Variants in AKAP6 observed in about 807,000 individuals in gnomAD.
AKAP6 encodes A-kinase anchoring protein 6.
AKAP6 carries 58 observed loss-of-function variants against 188.5 expected under a neutral mutation model. The ratio of observed to expected loss-of-function variants is 0.31; its 90% CI spans 0.25 to 0.38. The LOEUF (loss-of-function observed/expected upper bound fraction) is 0.38. Among genes scored for constraint, AKAP6 ranks in the 10% least tolerant of loss-of-function variants. The pLI is 1.00. For missense variants in AKAP6, 2,710 were observed against 2,740.0 expected, an observed-to-expected ratio of 0.99 and a Z score of 0.24; for synonymous variants, 989 against 998.6, an observed-to-expected ratio of 0.99 and a Z score of 0.18.
chr14:32,705,257 T>C (rs561736681), intron 9 of AKAP6, among the ~76,000 whole-genome samples: 1 of 152,270 alleles, frequency 6.6e-6, no homozygotes, highest in Admixed American at 6.5e-5. Flanking sequence ...TGCACTCTAC[T>C]GAATGCAGAT....
chr14:32,524,338 T>TG (rs1416569588), intron 2 of AKAP6, among the ~76,000 whole-genome samples: 2 of 151,958 alleles, frequency 1.3e-5, no homozygotes, highest in Non-Finnish European at 2.9e-5. Flanking sequence ...AGTTCTGGGG[T>TG]GGGGATGGCT....
At position 32,823,736 on chromosome 14, in the gene AKAP6, A is replaced by G; in HGVS notation, c.5923A>G (p.Thr1975Ala). Residue 1975 changes from threonine to alanine, a missense_variant, in exon 13 of 14, where the codon ACT (threonine) becomes GCT (alanine). By Grantham distance (58) the Thr-to-Ala change is moderately conservative. This residue lies in a region of AKAP6 where 2,473 missense variants were observed against 2,426.1 expected (regional missense o/e 1.02). Coordinates refer to ENST00000280979, the MANE Select transcript of AKAP6 (RefSeq NM_004274.5). ...PNHHHFENQS[T>A]ASTPTEKSFS... ...TCACCACCATTTTGAAAATCAAAGCACTGCCTCTACTCCCACTGAGAAGTC... is the reference window on the plus strand; with the variant it reads ...TCACCACCATTTTGAAAATCAAAGCGCTGCCTCTACTCCCACTGAGAAGTC... The G allele has an allele frequency of 6.2e-7, 1 of 1,613,712 alleles. No homozygotes were observed. Among genetic ancestry groups the G allele is most frequent in the Non-Finnish European group, 8.5e-7 (1 of 1,179,932 alleles).
chr14:32,828,517 TCTCTCTCTCTCTCACACACACACACACA>T (rs1394972680), intron 13 of AKAP6, among the ~76,000 whole-genome samples: 53 of 49,426 alleles, frequency 1.1e-3, no homozygotes, highest in South Asian at 1.9e-3. Flanking sequence ...TCTCTCTCTC[TCTCTCTCTCTCTCACACACACACACACA>T]CACACACACA....
intron 4 of AKAP6, among the ~76,000 whole-genome samples, chr14:32,547,598 G>A (rs750180831): frequency 1.4e-4 from 21 of 152,004 alleles, no homozygotes; most frequent in South Asian, 8.3e-4. Context: ...CTGTACTTTT[G>A]AACAAATTAC....
intron 12 of AKAP6, among the ~76,000 whole-genome samples, chr14:32,810,925 C>T (rs1330214145): frequency 1.3e-5 from 2 of 152,218 alleles, no homozygotes; most frequent in South Asian, 4.1e-4. Context: ...GACAAGTTTC[C>T]TTGACAGGCT....
intron 9 of AKAP6, among the ~76,000 whole-genome samples, chr14:32,705,361 G>T (rs1890771049): frequency 6.6e-6 from 1 of 152,088 alleles, no homozygotes; most frequent in African/African-American, 2.4e-5. Flanking sequence ...GGAAGAGAGT[G>T]GGTAGAGAGA....
At chr14:32,820,875 C>G (rs1166747352) in intron 12 of AKAP6, among the ~76,000 whole-genome samples, 3 of 152,120 alleles carry the variant, frequency 2.0e-5, no homozygotes, top group Admixed American at 6.5e-5. Flanking sequence ...ATGAAGTGCT[C>G]TACATGGTGG....
At chr14:32,761,345 A>C (rs1415837057) in intron 11 of AKAP6, among the ~76,000 whole-genome samples, 2 of 152,206 alleles carry the variant, frequency 1.3e-5, no homozygotes, top group Non-Finnish European at 2.9e-5. Flanking sequence ...GAATAATAGG[A>C]AAACTTTCCT....
intron 2 of AKAP6, among the ~76,000 whole-genome samples, chr14:32,442,054 A>G (rs1327046815): frequency 6.6e-6 from 1 of 152,216 alleles, no homozygotes; most frequent in Non-Finnish European, 1.5e-5. Flanking sequence ...CACCAGAGGT[A>G]GGATATGAGT....
At chr14:32,768,168 A>G (rs9788573) in intron 11 of AKAP6, among the ~76,000 whole-genome samples, 84,254 of 152,060 alleles carry the variant, frequency 0.55, 26,135 homozygotes, top group Admixed American at 0.7. Context: ...AGACAAATGC[A>G]TCTTCTAAAG....
intron 2 of AKAP6, among the ~76,000 whole-genome samples, chr14:32,462,084 A>T (rs1436531349): frequency 4.6e-5 from 7 of 152,134 alleles, no homozygotes; most frequent in African/African-American, 7.2e-5. Flanking sequence ...ACTATGTGAA[A>T]AGACCAAACC....
chr14:32,771,356 C>A (rs1157882292), intron 11 of AKAP6, among the ~76,000 whole-genome samples: 4 of 128,142 alleles, frequency 3.1e-5, no homozygotes, highest in Non-Finnish European at 5.0e-5. Context: ...AAAAAAAAAA[C>A]CCTGCAGAAT....
chr14:32,539,401 G>A (rs1221641371), intron 3 of AKAP6, among the ~76,000 whole-genome samples: 1 of 152,048 alleles, frequency 6.6e-6, no homozygotes. Context: ...CACTTATAAT[G>A]GGCCAAATTG....
chr14:32,726,229 G>A (rs1333638303), intron 9 of AKAP6: 1 of 978,876 alleles, frequency 1.0e-6, no homozygotes, highest in Non-Finnish European at 1.2e-6. Context: ...AAACTTAGAA[G>A]TGAGGGGAAA....
chr14:32,814,893 C>G (rs772159284), intron 12 of AKAP6, among the ~76,000 whole-genome samples: 2 of 152,008 alleles, frequency 1.3e-5, no homozygotes, highest in Non-Finnish European at 2.9e-5. Flanking sequence ...CATGCCTGGG[C>G]AATCAGTAAT....
intron 2 of AKAP6, among the ~76,000 whole-genome samples, chr14:32,506,239 A>C (rs1222712626): frequency 6.6e-6 from 1 of 152,218 alleles, no homozygotes; most frequent in Non-Finnish European, 1.5e-5. Context: ...TATTATTGAT[A>C]TAGCTAAACA....
At chr14:32,519,920 T>C (rs1034218859) in intron 2 of AKAP6, among the ~76,000 whole-genome samples, 2 of 152,154 alleles carry the variant, frequency 1.3e-5, no homozygotes, top group Admixed American at 6.5e-5. Flanking sequence ...ATCACACTTA[T>C]TCCAAAATTG....
At chr14:32,675,831 C>T (rs1956205) in intron 7 of AKAP6, among the ~76,000 whole-genome samples, 38,278 of 152,116 alleles carry the variant, frequency 0.25, 6,182 homozygotes, top group East Asian at 0.58. Context: ...GTTCTCTGAA[C>T]TTCTTTTCAC....
At chr14:32,805,392 A>G (rs1357014861) in intron 12 of AKAP6, among the ~76,000 whole-genome samples, 1 of 152,214 alleles carries the variant, frequency 6.6e-6, no homozygotes, top group Non-Finnish European at 1.5e-5. Context: ...GATGTGGACT[A>G]AGATATTGAA....
Sources: allele counts gnomAD v4.1 joint callset (sites outside exome capture counted in the v4.1 genomes callset), GRCh38; gene constraint gnomAD v4.1.1; regional missense constraint gnomAD v4.1.1; transcripts MANE v1.5; gene names NCBI Gene and HGNC (gene_info 2026-07-23, HGNC 2026-07-21).